Variants in TNIK observed in about 807,000 individuals in gnomAD.
TNIK encodes TRAF2 and NCK interacting kinase, also known as TRAF2 and NCK-interacting protein kinase.
A neutral mutation model predicts 191.3 loss-of-function variants in TNIK; 49 were observed. The ratio of observed to expected loss-of-function variants is 0.26; its 90% CI spans 0.20 to 0.32. The LOEUF (loss-of-function observed/expected upper bound fraction) is 0.32. TNIK is among the 10% of genes least tolerant of loss of function. TNIK has a pLI of 1.00. For synonymous variants in TNIK, 594 were observed against 600.9 expected, an observed-to-expected ratio of 0.99 and a Z score of 0.17; for missense variants, 1,155 against 1,702.3, an observed-to-expected ratio of 0.68 and a Z score of 5.66.
intron 27 of TNIK, among the ~76,000 whole-genome samples, chr3:171,080,913 A>G (rs926586437): frequency 2.0e-5 from 3 of 152,158 alleles, no homozygotes; most frequent in Non-Finnish European, 4.4e-5. Flanking sequence ...CCTCCTTTCT[A>G]TGCCAATATG....
At chr3:171,297,289 T>C (rs1400119339) in intron 2 of TNIK, among the ~76,000 whole-genome samples, 1 of 152,168 alleles carries the variant, frequency 6.6e-6, no homozygotes, top group African/African-American at 2.4e-5. Context: ...GCCATGCCCA[T>C]AGAGAGGGGA....
intron 2 of TNIK, among the ~76,000 whole-genome samples, chr3:171,312,954 C>T (rs1343342532): frequency 6.6e-6 from 1 of 152,046 alleles, no homozygotes; most frequent in African/African-American, 2.4e-5. Flanking sequence ...GTACTTCTGA[C>T]CTTGCAGATC....
intron 1 of TNIK, among the ~76,000 whole-genome samples, chr3:171,423,792 G>A (rs188800602): frequency 1.2e-4 from 18 of 152,316 alleles, no homozygotes; most frequent in Admixed American, 1.1e-3. Flanking sequence ...GTAGAAAGCT[G>A]AAACTGGACC....
Position 171,367,479 on chromosome 3 carries a change from G to T in TNIK, c.123+2141C>A, listed in dbSNP as rs936270820. Among the ~76,000 whole-genome samples, 266 of 151,488 alleles carry T rather than the reference G, an allele frequency of 1.8e-3. 4 individuals carry two copies. Among genetic ancestry groups the T allele is most frequent in the Middle Eastern group, 3.4e-3 (1 of 294 alleles). On this transcript the variant is annotated intron_variant, in intron 2 of 32. Transcript: ENST00000436636. ...AGGCCCCATAGCATTTTTTTGGGGG[G>T]GGGGGGAGGGGACAGAGTCCCACTC...
At chr3:171,397,496 C>A (rs990099114) in intron 1 of TNIK, among the ~76,000 whole-genome samples, 1 of 152,168 alleles carries the variant, frequency 6.6e-6, no homozygotes, top group African/African-American at 2.4e-5. Flanking sequence ...AGTATCCTAT[C>A]GTGACTGGAA....
chr3:171,433,138 A>G (rs907017521), intron 1 of TNIK, among the ~76,000 whole-genome samples: 4 of 152,138 alleles, frequency 2.6e-5, no homozygotes, highest in Non-Finnish European at 4.4e-5. Context: ...TTAGAGAACT[A>G]CAGGTTTAAG....
At chr3:171,300,308 G>A (rs1381632772) in intron 2 of TNIK, among the ~76,000 whole-genome samples, 1 of 152,186 alleles carries the variant, frequency 6.6e-6, no homozygotes, top group Non-Finnish European at 1.5e-5. Flanking sequence ...CATGCCCTAT[G>A]GGGCCAGGAA....
At chr3:171,181,093 C>T (rs569463406) in intron 7 of TNIK, among the ~76,000 whole-genome samples, 86 of 152,196 alleles carry the variant, frequency 5.7e-4, no homozygotes, top group Non-Finnish European at 9.8e-4. Context: ...CCTCCCACCT[C>T]GGGTTCTCAA....
chr3:171,097,782 A>G (rs1249844719), intron 22 of TNIK, among the ~76,000 whole-genome samples: 1 of 152,210 alleles, frequency 6.6e-6, no homozygotes, highest in South Asian at 2.1e-4. Context: ...AAAATGGACT[A>G]ATACAGTAGT....
chr3:171,114,383 T>C (rs1209887152), intron 18 of TNIK, among the ~76,000 whole-genome samples: 3 of 152,240 alleles, frequency 2.0e-5, no homozygotes, highest in Non-Finnish European at 4.4e-5. Flanking sequence ...GGATGTTAGA[T>C]GTTTCTCCCA....
intron 12 of TNIK, among the ~76,000 whole-genome samples, chr3:171,145,869 C>T (rs1731502028): frequency 6.6e-6 from 1 of 151,128 alleles, no homozygotes; most frequent in African/African-American, 2.4e-5. Flanking sequence ...TTCTAGCTCT[C>T]ATAGAAGTGA....
chr3:171,209,064 G>GGTGTGTCT (rs1553856587), intron 4 of TNIK, among the ~76,000 whole-genome samples: 24 of 142,016 alleles, frequency 1.7e-4, no homozygotes, highest in African/African-American at 6.4e-4. Flanking sequence ...CTTTGGAAGG[G>GGTGTGTCT]GTGTGTGTGT....
rs998269157 is a variant in TNIK, at chr3:171,366,592, G to A, written c.123+3028C>T. 1.3e-5 allele frequency among the ~76,000 whole-genome samples: 2 copies of A among 151,784 alleles called. No individual in the cohort carries two copies. The highest frequency in any genetic ancestry group is 1.9e-4 in the East Asian group (1 of 5,188). ...CTCTCTTAGGGCAGCTTATAAAAAA[G>A]AAACTTATAATAAATTTTTCCATAA... is the stretch of plus-strand genomic sequence containing the variant. On this transcript the variant is annotated intron_variant, in intron 2 of 32. Coordinates refer to ENST00000436636, the MANE Select transcript of TNIK (RefSeq NM_015028.4). This position sits in a 1 kb window ranked among gnomAD's most constrained non-coding sequence, Gnocchi z 4.1.
chr3:171,421,418 C>G (rs532869941), intron 1 of TNIK, among the ~76,000 whole-genome samples: 2 of 152,170 alleles, frequency 1.3e-5, no homozygotes, highest in Non-Finnish European at 2.9e-5. Flanking sequence ...GAATTCACGC[C>G]CCTCTTTCCA....
chr3:171,238,121 C>G (rs1034153084), intron 2 of TNIK, among the ~76,000 whole-genome samples: 9 of 152,112 alleles, frequency 5.9e-5, no homozygotes, highest in African/African-American at 2.2e-4. Context: ...TGAGCAAAGA[C>G]CTGCATATTG....
chr3:171,407,110 T>C (rs1721799678), intron 1 of TNIK, among the ~76,000 whole-genome samples: 1 of 151,820 alleles, frequency 6.6e-6, no homozygotes, highest in Admixed American at 6.6e-5. Context: ...GGGACTGGGG[T>C]CCGGTGGTTC....
At chr3:171,400,408 T>C (rs995649694) in intron 1 of TNIK, among the ~76,000 whole-genome samples, 1 of 151,726 alleles carries the variant, frequency 6.6e-6, no homozygotes, top group Non-Finnish European at 1.5e-5. Context: ...CTACAAAAAA[T>C]TTTACAAAAA....
intron 1 of TNIK, among the ~76,000 whole-genome samples, chr3:171,372,451 C>T (rs1050208079): frequency 1.3e-5 from 2 of 152,218 alleles, no homozygotes; most frequent in Non-Finnish European, 2.9e-5. Flanking sequence ...TCAGAATCAA[C>T]ACCTGCCGGG....
chr3:171,094,701 G>A (rs1199365533), intron 22 of TNIK, among the ~76,000 whole-genome samples: 1 of 152,066 alleles, frequency 6.6e-6, no homozygotes, highest in Non-Finnish European at 1.5e-5. Context: ...CTCTGGCCTT[G>A]GTTGGTTCCC....
Sources: allele counts gnomAD v4.1 joint callset (sites outside exome capture counted in the v4.1 genomes callset), GRCh38; gene constraint gnomAD v4.1.1; non-coding constraint Gnocchi (gnomAD v3.1); transcripts MANE v1.5; gene names NCBI Gene and HGNC (gene_info 2026-07-23, HGNC 2026-07-21).